KIF26A: variants seen among roughly 807,000 people sequenced by gnomAD.
The protein encoded by KIF26A is kinesin family member 26A, also known as kinesin-like protein KIF26A.
In KIF26A, 74 loss-of-function variants were observed where a neutral mutation model predicts 126.0. That is an observed-to-expected ratio of 0.59 (90% CI 0.49 to 0.71). The LOEUF is 0.71. KIF26A is among the 30% of genes least tolerant of loss of function. KIF26A has a pLI of 0.00. For missense variants in KIF26A, 2,984 were observed against 2,763.3 expected (o/e 1.08, Z -1.79); for synonymous variants, 1,445 against 1,232.7 (o/e 1.17, Z -3.61).
At chr14:104,147,341 C>T (rs1288103223) in intron 2 of KIF26A, among the ~76,000 whole-genome samples, 2 of 152,222 alleles carry the variant, frequency 1.3e-5, no homozygotes, top group Admixed American at 6.5e-5. Context: ...GCTGGACTGG[C>T]GCCTGGCACA....
chr14:104,157,892 C>T lies in KIF26A; in HGVS notation c.873C>T (p.Gly291=). Residue 291 remains glycine, a synonymous_variant, in exon 4 of 15, where the codon GGC becomes GGT. Transcript: ENST00000423312. ...CAGCCCTGGTCACCCCCACCCCGGG[C>T]TCGGTGGGGGGCTCCACAGGCCCCT... The part of the protein sequence containing the change: ...CTSALVTPTP[G]SVGGSTGPSA... The T allele has an allele frequency of 6.4e-7, 1 of 1,572,458 alleles. No homozygotes were observed. Among genetic ancestry groups the T allele is most frequent in the African/African-American group, 1.4e-5 (1 of 72,990 alleles).
chr14:104,157,851 G>A lies in KIF26A; in HGVS notation c.832G>A (p.Gly278Ser), dbSNP rs1165269386. Residue 278 changes from glycine to serine, a missense_variant, in exon 4 of 15, where the codon GGT becomes AGT. Physicochemically the swap from Gly to Ser is moderately conservative, Grantham distance 56. Transcript: ENST00000423312. ...PDGLSKAWGR[G>S]GVCTSALVTP... The stretch of plus-strand genomic sequence containing the variant: ...TGGCTTGTCGAAGGCCTGGGGCCGT[G>A]GTGGAGTCTGCACGTCAGCCCTGGT... 4 of 1,608,610 alleles carry A rather than the reference G, an allele frequency of 2.5e-6. No homozygotes were observed. Among genetic ancestry groups the A allele is most frequent in the Admixed American group, 1.7e-5 (1 of 59,700 alleles).
Position 104,179,801 on chromosome 14 carries a change from C to A in KIF26A, c.*11C>A. 8 of 1,514,918 alleles carry A rather than the reference C, an allele frequency of 5.3e-6. No homozygotes were observed. Among genetic ancestry groups the A allele is most frequent in the Non-Finnish European group, 7.1e-6 (8 of 1,131,102 alleles). The allele number at this position is 1,514,918 out of a possible 1,614,324, so 93.8% of individuals were successfully genotyped here. On this transcript the variant is annotated 3_prime_UTR_variant, in exon 15 of 15. Coordinates refer to ENST00000423312, the MANE Select transcript of KIF26A (RefSeq NM_015656.2). ...GAGGTGGACGTCTGAGGCTGGGCGC[C>A]GGACAAGAGGAGGGGGCGTGCAGCG...
Position 104,157,689 on chromosome 14 carries a change from G to A in KIF26A, c.736-66G>A, listed in dbSNP as rs373255266. 2.9e-3 allele frequency: 4,422 copies of A among 1,515,120 alleles called. 13 individuals are homozygous for A. Among genetic ancestry groups the A allele is most frequent in the Non-Finnish European group, 3.3e-3 (3,661 of 1,124,950 alleles). The allele number at this position is 1,515,120 out of a possible 1,614,324, so 93.9% of individuals were successfully genotyped here. A position where few individuals can be genotyped will look rare whatever the true frequency, so the allele number is the denominator to read the frequency against. ...TGCCCAGGCCTGTCTCTCCCACTCC[G>A]GGTGCCAGGGGGCAGTGGTGTCTCT... On this transcript the variant is annotated intron_variant, in intron 3 of 14. Coordinates refer to ENST00000423312, the MANE Select transcript of KIF26A (RefSeq NM_015656.2).
In KIF26A at chr14:104,162,151, G is replaced by T. The variant is rs534412955; in HGVS notation, c.923+4209G>T. 2.6e-5 allele frequency among the ~76,000 whole-genome samples: 4 copies of T among 152,350 alleles called. No homozygotes were observed. In the South Asian group the frequency reaches 6.2e-4, roughly 24 times the overall value. On this transcript the variant is annotated intron_variant, in intron 4 of 14. Coordinates refer to ENST00000423312, the MANE Select transcript of KIF26A (RefSeq NM_015656.2). Reference sequence around the variant, plus strand: ...CTCGTTAATGCAGTGGCAGGTCTTTGAGTCATACCAGTGAGGTAAGCCCGT... The same window carrying T: ...CTCGTTAATGCAGTGGCAGGTCTTTTAGTCATACCAGTGAGGTAAGCCCGT...
At chr14:104,172,904 C>T (rs2037974102) in intron 7 of KIF26A, 73 bp from the exon 8 acceptor site, 3 of 1,460,244 alleles carry the variant, frequency 2.1e-6, no homozygotes, top group Non-Finnish European at 2.7e-6. Flanking sequence ...CTGGTTGGCC[C>T]CCGGGGACGC....
intron 3 of KIF26A, among the ~76,000 whole-genome samples, chr14:104,156,076 G>A (rs1008986891): frequency 2.6e-4 from 40 of 152,170 alleles, no homozygotes; most frequent in African/African-American, 8.9e-4. Flanking sequence ...TGGGTGGTGC[G>A]GCCCCGGCCC....
intron 2 of KIF26A, among the ~76,000 whole-genome samples, chr14:104,140,623 G>A (rs1261600887): frequency 1.3e-5 from 2 of 152,138 alleles, no homozygotes; most frequent in East Asian, 3.9e-4. Context: ...CTGGTCACGG[G>A]CAGGCCAGGG....
chr14:104,165,105 C>G (rs114029008), intron 4 of KIF26A, among the ~76,000 whole-genome samples: 8,906 of 149,476 alleles, frequency 0.06, 270 homozygotes, highest in African/African-American at 0.073. Flanking sequence ...GTGTGTGTCT[C>G]TGTGTGTGTG....
intron 4 of KIF26A, among the ~76,000 whole-genome samples, chr14:104,162,474 A>G (rs2037842450): frequency 6.6e-6 from 1 of 152,178 alleles, no homozygotes. Flanking sequence ...GACGGGGCAA[A>G]GGGCCAGCCT....
chr14:104,139,333 C>G (rs768637721), intron 2 of KIF26A, 45 bp downstream of exon 2: 1 of 1,389,170 alleles, frequency 7.2e-7, no homozygotes, highest in Non-Finnish European at 9.4e-7. Flanking sequence ...CAGGGCCACG[C>G]CGAACTTGGG....
chr14:104,146,229 C>A (rs2037679489), intron 2 of KIF26A, among the ~76,000 whole-genome samples: 1 of 152,158 alleles, frequency 6.6e-6, no homozygotes, highest in South Asian at 2.1e-4. Flanking sequence ...GCAGGGAGGC[C>A]TGGGGTACCT....
chr14:104,178,510 C>T (rs993776578), intron 12 of KIF26A, 40 bp from the exon 13 acceptor site: 11 of 1,394,784 alleles, frequency 7.9e-6, no homozygotes, highest in Non-Finnish European at 1.0e-5. Flanking sequence ...TTGGGCTGGG[C>T]CCCGCCTCTG....
intron 7 of KIF26A, 143 bp downstream of exon 7, chr14:104,172,811 T>G: frequency 9.0e-7 from 1 of 1,113,906 alleles, no homozygotes; most frequent in Non-Finnish European, 1.3e-6. Flanking sequence ...GAGGGGCTTG[T>G]GGAGAGGAAG....
rs747652146 is a variant in KIF26A at position 104,174,208 on chromosome 14, C to G, written c.2091C>G (p.Thr697=). Residue 697 remains threonine (T), a synonymous_variant, in exon 11 of 15, where the codon ACC becomes ACG. Coordinates refer to ENST00000423312, the MANE Select transcript of KIF26A (RefSeq NM_015656.2). ...TGGCCACCGCTGGCTGCCGCACCAC[C>G]ATGATCGCCCACGTGTCGGATGCGC... ...ESLATAGCRT[T]MIAHVSDAPA... 1.4e-5 allele frequency: 22 copies of G among 1,586,702 alleles called. No individual in the cohort carries two copies. In the South Asian group the frequency reaches 2.3e-4, roughly 17 times the overall value.
At chr14:104,165,170 C>T (rs983659598) in intron 4 of KIF26A, among the ~76,000 whole-genome samples, 2 of 145,148 alleles carry the variant, frequency 1.4e-5, no homozygotes, top group Admixed American at 1.4e-4. Context: ...TATCTCTATG[C>T]ATGTGTCTGT....
chr14:104,141,655 C>T (rs186898969), intron 2 of KIF26A, among the ~76,000 whole-genome samples: 5 of 146,720 alleles, frequency 3.4e-5, no homozygotes, highest in Admixed American at 2.0e-4. Context: ...CGTAGAGGGT[C>T]GGGGCCCAGC....
Position 104,177,506 on chromosome 14 carries a change from G to C in KIF26A, c.4718G>C (p.Ser1573Thr), listed in dbSNP as rs1338608309. The C allele has an allele frequency of 1.3e-6, 2 of 1,534,832 alleles. No homozygotes were observed. The highest frequency in any genetic ancestry group is 1.7e-6 in the Non-Finnish European group (2 of 1,146,046). The change falls in exon 12 of 15, where the codon AGT becomes ACT. Residue 1573 changes from serine to threonine, a missense_variant. Ser to Thr is a moderately conservative substitution (Grantham distance 58, BLOSUM62 1). Transcript: ENST00000423312. ...AGCCGCGTCCATGAGCTGTCAGCCA[G>C]TGGAGCCCCGGGCCGAGGTGGCTCC... ...AHSRVHELSASGAPGRGGSSW... is the reference protein window; with the variant it reads ...AHSRVHELSATGAPGRGGSSW...
At chr14:104,174,337 T>A in intron 11 of KIF26A, 27 bp downstream of exon 11, 34 of 1,492,424 alleles carry the variant, frequency 2.3e-5, no homozygotes, top group Non-Finnish European at 3.1e-5. Flanking sequence ...GCCCGCCCCA[T>A]CTCGGGGCCG....
Sources: allele counts gnomAD v4.1 joint callset (sites outside exome capture counted in the v4.1 genomes callset), GRCh38; gene constraint gnomAD v4.1.1; transcripts MANE v1.5; gene names NCBI Gene and HGNC (gene_info 2026-07-23, HGNC 2026-07-21).